CNTNAP2: variants seen among roughly 807,000 people sequenced by gnomAD.
The protein encoded by CNTNAP2 is contactin-associated protein-like 2.
Under a neutral mutation model 155.2 loss-of-function variants are expected in CNTNAP2, and 98 were observed. The ratio of observed to expected loss-of-function variants is 0.63; its 90% confidence interval spans 0.54 to 0.75. CNTNAP2 has a LOEUF of 0.75. Among genes scored for constraint, CNTNAP2 ranks in the 30% least tolerant of loss-of-function variants. The probability of loss-of-function intolerance (pLI) is 0.00; values close to 1 mark genes in which losing one functional copy is unlikely to be tolerated. For missense variants in CNTNAP2, 1,727 were observed against 1,688.1 expected (o/e 1.02, Z -0.40); for synonymous variants, 651 against 631.2 (o/e 1.03, Z -0.47).
chr7:146,244,320 A>G (rs545090457), intron 1 of CNTNAP2, among the ~76,000 whole-genome samples: 126 of 152,312 alleles, frequency 8.3e-4, no homozygotes, highest in African/African-American at 2.9e-3. Context: ...AAACAAGAGC[A>G]GGGCATGCAT....
intron 1 of CNTNAP2, among the ~76,000 whole-genome samples, chr7:146,257,831 C>T (rs1323578525): frequency 6.6e-6 from 1 of 152,136 alleles, no homozygotes. Context: ...GACAAATATT[C>T]CAACGATGTG....
At chr7:146,611,666 A>C (rs347202) in intron 1 of CNTNAP2, among the ~76,000 whole-genome samples, 100,523 of 152,046 alleles carry the variant, frequency 0.66, 34,885 homozygotes, top group African/African-American at 0.85. Flanking sequence ...AAAATTTTCT[A>C]TTTTGTTCTC....
At chr7:147,646,912 G>C (rs1795374491) in intron 13 of CNTNAP2, among the ~76,000 whole-genome samples, 1 of 151,732 alleles carries the variant, frequency 6.6e-6, no homozygotes, top group Non-Finnish European at 1.5e-5. Context: ...GGAGGAGAAA[G>C]AAAAGAACGC....
At chr7:146,990,507 G>A (rs1798191044) in intron 3 of CNTNAP2, among the ~76,000 whole-genome samples, 1 of 151,912 alleles carries the variant, frequency 6.6e-6, no homozygotes, top group South Asian at 2.1e-4. Flanking sequence ...AGTTGTTTTG[G>A]TTTTAAGATT....
chr7:146,466,938 C>T (rs1275876831), intron 1 of CNTNAP2, among the ~76,000 whole-genome samples: 4 of 152,100 alleles, frequency 2.6e-5, no homozygotes, highest in African/African-American at 7.2e-5. Flanking sequence ...ATATGGTTTA[C>T]ACATACCTCT....
rs140770794 is a variant in CNTNAP2 at position 146,473,151 on chromosome 7, G to A, written c.98-301120G>A. On this transcript the variant is annotated intron_variant, in intron 1 of 23. Coordinates refer to ENST00000361727, the MANE Select transcript of CNTNAP2 (RefSeq NM_014141.6). ...TAGCATCTCTGAAGGAACGTCTACAGGCTCTGTGGGGAAAAATTTCTCTGG... is the reference window on the plus strand; with the variant it reads ...TAGCATCTCTGAAGGAACGTCTACAAGCTCTGTGGGGAAAAATTTCTCTGG... Among the ~76,000 whole-genome samples the A allele has an allele frequency of 7.9e-5, 12 of 152,068 alleles. No individual in the cohort carries two copies. In the East Asian group the frequency reaches 2.1e-3, roughly 27 times the overall value.
intron 20 of CNTNAP2, among the ~76,000 whole-genome samples, chr7:148,234,838 G>A (rs1563005634): frequency 1.3e-5 from 2 of 152,196 alleles, no homozygotes; most frequent in South Asian, 4.1e-4. Context: ...TTAGATGTGA[G>A]TTAGACAATA....
chr7:147,607,509 A>G (rs1801093732), intron 12 of CNTNAP2, among the ~76,000 whole-genome samples: 1 of 152,132 alleles, frequency 6.6e-6, no homozygotes, highest in Non-Finnish European at 1.5e-5. Context: ...GGAAGCAATG[A>G]GAAAGGGTCA....
intron 8 of CNTNAP2, among the ~76,000 whole-genome samples, chr7:147,187,603 C>T (rs948856940): frequency 1.3e-5 from 2 of 152,088 alleles, no homozygotes; most frequent in Non-Finnish European, 2.9e-5. Context: ...GGGACTGCTA[C>T]AGCAGAGAGA....
chr7:146,593,528 C>G (rs2129149933), intron 1 of CNTNAP2, among the ~76,000 whole-genome samples: 1 of 152,210 alleles, frequency 6.6e-6, no homozygotes, highest in Non-Finnish European at 1.5e-5. Flanking sequence ...GTCACTCCCT[C>G]CACCACTGCC....
intron 13 of CNTNAP2, among the ~76,000 whole-genome samples, chr7:147,692,924 G>T (rs541394995): frequency 6.6e-6 from 1 of 151,940 alleles, no homozygotes; most frequent in South Asian, 2.1e-4. Context: ...GACACCATAG[G>T]TCGTCTAGAT....
intron 1 of CNTNAP2, among the ~76,000 whole-genome samples, chr7:146,447,329 T>G (rs1044040843): frequency 6.6e-6 from 1 of 152,054 alleles, no homozygotes; most frequent in African/African-American, 2.4e-5. Context: ...TTTTCTTATT[T>G]GATGTTAAAG....
intron 10 of CNTNAP2, among the ~76,000 whole-genome samples, chr7:147,459,769 G>A (rs938591174): frequency 6.6e-6 from 1 of 152,170 alleles, no homozygotes; most frequent in African/African-American, 2.4e-5. Flanking sequence ...CAATAAAATT[G>A]TGTTGTGGTA....
intron 1 of CNTNAP2, among the ~76,000 whole-genome samples, chr7:146,426,761 A>G (rs1299342706): frequency 6.6e-6 from 1 of 152,068 alleles, no homozygotes; most frequent in Non-Finnish European, 1.5e-5. Flanking sequence ...CAAGAGGAAT[A>G]AGTTCAAGAG....
intron 14 of CNTNAP2, among the ~76,000 whole-genome samples, chr7:147,931,226 C>T (rs1341551016): frequency 6.8e-6 from 1 of 147,420 alleles, no homozygotes; most frequent in East Asian, 2.0e-4. Flanking sequence ...AATAGAAAAA[C>T]TTGAAGAAAT....
chr7:147,887,515 G>A (rs1047419337), intron 13 of CNTNAP2, among the ~76,000 whole-genome samples: 8 of 152,160 alleles, frequency 5.3e-5, no homozygotes, highest in African/African-American at 1.7e-4. Context: ...CCTTTTAAAT[G>A]TATGATTGAG....
intron 1 of CNTNAP2, among the ~76,000 whole-genome samples, chr7:146,712,279 T>C (rs37045): frequency 9.8e-6 from 1 of 102,246 alleles, no homozygotes; most frequent in Non-Finnish European, 2.1e-5. Context: ...TATGTATACA[T>C]ATATGTATAC....
At position 146,153,811 on chromosome 7, in the gene CNTNAP2, C is replaced by T. The variant is rs991822074; in HGVS notation, c.97+36838C>T. ...TAAATCCATTGTCGTATGAATAATA[C>T]GTAACAGCAATAATCTATTATCATA... is the stretch of plus-strand genomic sequence containing the variant. On this transcript the variant is annotated intron_variant, in intron 1 of 23. Coordinates refer to ENST00000361727, the MANE Select transcript of CNTNAP2 (RefSeq NM_014141.6). Among the ~76,000 whole-genome samples, 7 of 152,008 alleles carry T rather than the reference C, an allele frequency of 4.6e-5. No homozygotes were observed. The South Asian group carries it at 6.2e-4, about 14-fold the overall frequency.
intron 13 of CNTNAP2, among the ~76,000 whole-genome samples, chr7:147,869,083 G>C (rs915866890): frequency 3.3e-5 from 5 of 152,182 alleles, no homozygotes; most frequent in Admixed American, 2.0e-4. Context: ...GACCAGAACT[G>C]TTCCTCTTCG....
Sources: allele counts gnomAD v4.1 joint callset (sites outside exome capture counted in the v4.1 genomes callset), GRCh38; gene constraint gnomAD v4.1.1; transcripts MANE v1.5; gene names NCBI Gene and HGNC (gene_info 2026-07-23, HGNC 2026-07-21).